The following KSR2 variants were observed in gnomAD, a reference collection of about 807,000 sequenced individuals.
KSR2 encodes kinase suppressor of ras 2.
KSR2 carries 25 observed loss-of-function variants against 107.8 expected under a neutral mutation model. The observed-to-expected ratio is 0.23, with a 90% CI of 0.17 to 0.32. The LOEUF (loss-of-function observed/expected upper bound fraction) is 0.32. Among genes scored for constraint, KSR2 ranks in the 10% least tolerant of loss-of-function variants. KSR2 has a pLI of 1.00. For synonymous variants in KSR2, 480 were observed against 507.0 expected, an observed-to-expected ratio of 0.95 and a Z score of 0.71; for missense variants, 887 against 1,268.9, an observed-to-expected ratio of 0.70 and a Z score of 4.57.
intron 17 of KSR2, 100 bp downstream of exon 17, chr12:117,476,364 A>T: frequency 7.2e-7 from 1 of 1,393,302 alleles, no homozygotes; most frequent in Non-Finnish European, 9.4e-7. Context: ...TTGGCCCTGT[A>T]GACAGGTACA....
chr12:117,474,488 C>T (rs752628437), intron 17 of KSR2, among the ~76,000 whole-genome samples: 3 of 152,030 alleles, frequency 2.0e-5, no homozygotes, highest in Non-Finnish European at 4.4e-5. Context: ...TAACATCTCT[C>T]GGTGGTGCTA....
At chr12:117,896,216 C>T (rs1291049867) in intron 1 of KSR2, among the ~76,000 whole-genome samples, 1 of 152,224 alleles carries the variant, frequency 6.6e-6, no homozygotes, top group East Asian at 1.9e-4. Flanking sequence ...AGTACTGATA[C>T]ATGCTACAAC....
rs551144188 is a variant in KSR2 at position 117,761,033 on chromosome 12, C to G, written c.964G>C (p.Val322Leu). 6.2e-7 allele frequency: 1 copy of G among 1,613,724 alleles called. No individual in the cohort carries two copies. Among genetic ancestry groups the G allele is most frequent in the Non-Finnish European group, 8.5e-7 (1 of 1,179,734 alleles). Residue 322 changes from valine (V) to leucine (L), a missense_variant, in exon 4 of 20, where the codon GTG (valine) becomes CTG (leucine). Val to Leu is a conservative substitution (Grantham distance 32). Transcript: ENST00000339824. Reference sequence around the variant, plus strand: ...CACTTGGGCGTGTGGGCCTCGTCCACGCGGTGCCCCAGCTGGAACTCGTGG... The same window carrying G: ...CACTTGGGCGTGTGGGCCTCGTCCAGGCGGTGCCCCAGCTGGAACTCGTGG... ...KSHEFQLGHR[V>L]DEAHTPKAKK...
intron 17 of KSR2, among the ~76,000 whole-genome samples, chr12:117,475,093 G>C (rs567228466): frequency 6.6e-6 from 1 of 152,124 alleles, no homozygotes; most frequent in Non-Finnish European, 1.5e-5. Context: ...GCATTTCCCT[G>C]TGTATTGGAC....
At chr12:117,552,387 C>T (rs115649376) in intron 9 of KSR2, among the ~76,000 whole-genome samples, 5,218 of 152,260 alleles carry the variant, frequency 0.034, 286 homozygotes, top group African/African-American at 0.12. Flanking sequence ...CGTGTTTCTT[C>T]CCGTTGAATC....
At chr12:117,690,654 A>G (rs1289196264) in intron 4 of KSR2, among the ~76,000 whole-genome samples, 3 of 152,208 alleles carry the variant, frequency 2.0e-5, no homozygotes, top group Non-Finnish European at 4.4e-5. Context: ...CTACTATTCT[A>G]AGCCCTTGTC....
At chr12:117,578,576 T>G (rs1423832338) in intron 7 of KSR2, among the ~76,000 whole-genome samples, 2 of 130,890 alleles carry the variant, frequency 1.5e-5, no homozygotes, top group Non-Finnish European at 3.1e-5. Context: ...CACTCCACCC[T>G]GGGTGACAGA....
intron 4 of KSR2, among the ~76,000 whole-genome samples, chr12:117,697,474 G>T (rs1029586814): frequency 1.6e-4 from 25 of 152,158 alleles, no homozygotes; most frequent in Non-Finnish European, 1.5e-5. Context: ...CAGGCGCTGT[G>T]GCCCATGCCT....
At chr12:117,529,374 C>T (rs1376142248) in intron 12 of KSR2, among the ~76,000 whole-genome samples, 1 of 152,112 alleles carries the variant, frequency 6.6e-6, no homozygotes, top group Non-Finnish European at 1.5e-5. Flanking sequence ...TGCCACCACG[C>T]CTGACTAATG....
At chr12:117,499,917 G>C (rs1873278714) in intron 14 of KSR2, among the ~76,000 whole-genome samples, 1 of 152,210 alleles carries the variant, frequency 6.6e-6, no homozygotes, top group Non-Finnish European at 1.5e-5. Context: ...AGGACACTGG[G>C]AGGAGGGCCT....
intron 1 of KSR2, among the ~76,000 whole-genome samples, chr12:117,871,764 T>C (rs1352068214): frequency 6.6e-6 from 1 of 152,180 alleles, no homozygotes; most frequent in Non-Finnish European, 1.5e-5. Flanking sequence ...CTCTGGGTTA[T>C]GATAGGTGAA....
chr12:117,812,842 C>CAAAAAAAAA lies in KSR2; in HGVS notation c.472+42577_472+42585dup, dbSNP rs3073170. On this transcript the variant is annotated intron_variant, in intron 3 of 19. Coordinates refer to ENST00000339824, the MANE Select transcript of KSR2 (RefSeq NM_173598.6). Reference sequence around the variant, plus strand: ...GGAACCACAAAAGACCCCAAATAGCCAAAAAAAAAAAAAAAAATCATCCTG... The same window carrying CAAAAAAAAA: ...GGAACCACAAAAGACCCCAAATAGCCAAAAAAAAAAAAAAAAAAAAAAAAAATCATCCTG... 1.5e-3 allele frequency among the ~76,000 whole-genome samples: 143 copies of CAAAAAAAAA among 95,506 alleles called. 6 individuals carry two copies. Among genetic ancestry groups the CAAAAAAAAA allele is most frequent in the African/African-American group, 7.2e-3 (123 of 17,042 alleles). 62.7% of individuals were successfully genotyped at this position (95,506 alleles called of 152,430 possible).
At chr12:117,573,471 G>C (rs1264776416) in intron 7 of KSR2, among the ~76,000 whole-genome samples, 3 of 151,338 alleles carry the variant, frequency 2.0e-5, no homozygotes, top group African/African-American at 7.3e-5. Context: ...GCAGAGTCAG[G>C]GTTCAAATAT....
chr12:117,515,482 G>A (rs563630283), intron 14 of KSR2, among the ~76,000 whole-genome samples: 1 of 152,280 alleles, frequency 6.6e-6, no homozygotes, highest in African/African-American at 2.4e-5. Context: ...TTTGGGGGCT[G>A]GGGATACAGA....
At chr12:117,887,579 T>C (rs1894212556) in intron 1 of KSR2, among the ~76,000 whole-genome samples, 1 of 152,168 alleles carries the variant, frequency 6.6e-6, no homozygotes, top group Non-Finnish European at 1.5e-5. Flanking sequence ...GGAGGTTCTG[T>C]GTTAGGGAAC....
At chr12:117,642,871 G>T (rs534360937) in intron 5 of KSR2, among the ~76,000 whole-genome samples, 31 of 152,298 alleles carry the variant, frequency 2.0e-4, no homozygotes, top group African/African-American at 7.2e-4. Context: ...GGCCACTGTT[G>T]TTAGGGAATG....
chr12:117,670,751 T>C (rs1196867533), intron 4 of KSR2, among the ~76,000 whole-genome samples: 1 of 151,820 alleles, frequency 6.6e-6, no homozygotes, highest in Non-Finnish European at 1.5e-5. Context: ...AATAGAAAAA[T>C]GCTGTAATAG....
At chr12:117,520,457 AC>A (rs1461432875) in intron 14 of KSR2, among the ~76,000 whole-genome samples, 1 of 152,114 alleles carries the variant, frequency 6.6e-6, no homozygotes, top group Non-Finnish European at 1.5e-5. Context: ...TCAGAGCCTT[AC>A]CCACTGTCAG....
chr12:117,796,277 G>C (rs1890625846), intron 3 of KSR2, among the ~76,000 whole-genome samples: 2 of 152,158 alleles, frequency 1.3e-5, no homozygotes, highest in African/African-American at 4.8e-5. Flanking sequence ...TTAGGCCTCT[G>C]TGAGCAAGTG....
Sources: gnomAD v4.1 joint callset for allele counts (sites outside exome capture counted in the v4.1 genomes callset) on GRCh38, gnomAD v4.1.1 for gene constraint, MANE v1.5 for transcripts, NCBI Gene and HGNC (gene_info 2026-07-23, HGNC 2026-07-21) for gene names.